The following MAP3K1 variants were observed in gnomAD, a reference collection of about 807,000 sequenced individuals.
MAP3K1 encodes the protein MAP/ERK kinase kinase 1.
MAP3K1 carries 36 observed loss-of-function variants against 144.2 expected under a neutral mutation model. The observed-to-expected ratio is 0.25, with a 90% CI of 0.19 to 0.33. MAP3K1 has a LOEUF of 0.33. Among genes scored for constraint, MAP3K1 ranks in the 10% least tolerant of loss-of-function variants. The pLI is 1.00. For missense variants in MAP3K1, 1,650 were observed against 1,881.9 expected (o/e 0.88, Z 2.28); for synonymous variants, 718 against 688.7 (o/e 1.04, Z -0.67).
chr5:56,884,560 A>G lies in MAP3K1; in HGVS notation c.3820-104A>G, dbSNP rs1748322227. The G allele has an allele frequency of 6.7e-6, 7 of 1,044,100 alleles. No individual in the cohort carries two copies. In the South Asian group the frequency reaches 9.5e-5, roughly 14 times the overall value. The allele number at this position is 1,044,100 out of a possible 1,614,324, so 64.7% of individuals were successfully genotyped here. A position where few individuals can be genotyped will look rare whatever the true frequency, so the allele number is the denominator to read the frequency against. On this transcript the variant is annotated intron_variant, in intron 15 of 19. Transcript: ENST00000399503. Reference sequence around the variant, plus strand: ...AAAGTACATTGCATCCATAAGCATAAATGCCATCTGTTGCTAATAAAGTGC... The same window carrying G: ...AAAGTACATTGCATCCATAAGCATAGATGCCATCTGTTGCTAATAAAGTGC...
At chr5:56,876,297 G>GAATGTCTCCAGGCATTGCCA (rs1407883220) in intron 10 of MAP3K1, among the ~76,000 whole-genome samples, 2 of 145,618 alleles carry the variant, frequency 1.4e-5, no homozygotes, top group Admixed American at 1.4e-4. Context: ...TGACAACCAA[G>GAATGTCTCCAGGCATTGCCA]AATGTCTCCA....
chr5:56,849,751 A>G (rs1353661611), intron 1 of MAP3K1, among the ~76,000 whole-genome samples: 3 of 113,830 alleles, frequency 2.6e-5, no homozygotes, highest in Non-Finnish European at 7.2e-5. Context: ...TGAGATAAAG[A>G]TGGTTTGGTT....
In MAP3K1 at chr5:56,849,342, C is replaced by T. The variant is rs937093445; in HGVS notation, c.483-7258C>T. On this transcript the variant is annotated intron_variant, in intron 1 of 19. Coordinates refer to ENST00000399503, the MANE Select transcript of MAP3K1 (RefSeq NM_005921.2). The stretch of plus-strand genomic sequence containing the variant: ...CCAGCCTGGGCGTCAGAGCCAAACC[C>T]TCTCTGTCTTTAAAAAAAAAAAAAA... 4.4e-5 allele frequency among the ~76,000 whole-genome samples: 6 copies of T among 137,736 alleles called. No individual in the cohort carries two copies. The East Asian group carries it at 6.3e-4, about 14-fold the overall frequency. 90.4% of individuals were successfully genotyped at this position (137,736 alleles called of 152,430 possible).
intron 10 of MAP3K1, among the ~76,000 whole-genome samples, chr5:56,876,121 A>G (rs1234806665): frequency 1.4e-5 from 2 of 139,502 alleles, no homozygotes; most frequent in Admixed American, 1.6e-4. Context: ...ATGTCTCTTT[A>G]GGGCTTCTCA....
Position 56,881,291 on chromosome 5 carries a change from ATGT to A in MAP3K1, c.2369+20_2369+22del. The A allele has an allele frequency of 6.3e-7, 1 of 1,599,606 alleles. No homozygotes were observed. Among genetic ancestry groups the A allele is most frequent in the African/African-American group, 1.3e-5 (1 of 74,710 alleles). On this transcript the variant is annotated intron_variant, in intron 13 of 19. Transcript: ENST00000399503. ...AAATCAGGTAATTTTTCTTCTGAAAATGTATTACTTGTATCTTCCTACCCTCCC... is the reference window on the plus strand; with the variant it reads ...AAATCAGGTAATTTTTCTTCTGAAAAATTACTTGTATCTTCCTACCCTCCC...
chr5:56,887,682 C>A, intron 18 of MAP3K1, 162 bp downstream of exon 18: 1 of 763,578 alleles, frequency 1.3e-6, no homozygotes, highest in Non-Finnish European at 2.2e-6. Flanking sequence ...CCCTTATTCT[C>A]GACCTTTCTT....
rs1444044453 is a variant in MAP3K1 at position 56,815,869 on chromosome 5, C to G, written c.296C>G (p.Ala99Gly). ...CCGTCGCCGGAGCCCGCGGACGCAG[C>G]GGGGAGTGGGACCGGCTTCCAGCCT... Reference protein sequence around the residue: ...TSPSPEPADAAGSGTGFQPVA... With the variant: ...TSPSPEPADAGGSGTGFQPVA... The change falls in exon 1 of 20, where the codon GCG becomes GGG. Residue 99 changes from alanine to glycine, a missense_variant. Physicochemically the swap from Ala to Gly is moderately conservative, Grantham distance 60 (BLOSUM62 0). Transcript: ENST00000399503. 7.2e-7 allele frequency: 1 copy of G among 1,390,046 alleles called. No homozygotes were observed. The highest frequency in any genetic ancestry group is 1.5e-5 in the South Asian group (1 of 64,942). 86.1% of individuals were successfully genotyped at this position (1,390,046 alleles called of 1,614,324 possible).
At chr5:56,824,950 T>A (rs898973866) in intron 1 of MAP3K1, among the ~76,000 whole-genome samples, 4 of 152,080 alleles carry the variant, frequency 2.6e-5, no homozygotes, top group South Asian at 2.1e-4. Context: ...AATTTTTATT[T>A]TTTTTTTTGA....
intron 1 of MAP3K1, among the ~76,000 whole-genome samples, chr5:56,836,943 A>T (rs1746672379): frequency 6.6e-6 from 1 of 152,068 alleles, no homozygotes; most frequent in Admixed American, 6.5e-5. Flanking sequence ...ATCACAGGGT[A>T]CTCCTCTCAG....
intron 1 of MAP3K1, among the ~76,000 whole-genome samples, chr5:56,850,736 G>T (rs570414357): frequency 1.3e-5 from 2 of 152,276 alleles, no homozygotes; most frequent in South Asian, 2.1e-4. Context: ...CGATGGAAAA[G>T]ACCTCACAGG....
At chr5:56,889,964 T>C (rs1454482079) in intron 19 of MAP3K1, among the ~76,000 whole-genome samples, 1 of 152,152 alleles carries the variant, frequency 6.6e-6, no homozygotes, top group East Asian at 1.9e-4. Flanking sequence ...AGACGTCCCA[T>C]GTCCGTTCTC....
intron 1 of MAP3K1, among the ~76,000 whole-genome samples, chr5:56,844,859 AAAG>A (rs138198429): frequency 0.099 from 15,054 of 152,176 alleles, 1,201 homozygotes; most frequent in East Asian, 0.34. Flanking sequence ...TTCAAAGCAT[AAAG>A]AAGAAAAGCT....
chr5:56,847,549 TC>T (rs2111834682), intron 1 of MAP3K1, among the ~76,000 whole-genome samples: 1 of 152,322 alleles, frequency 6.6e-6, no homozygotes, highest in African/African-American at 2.4e-5. Flanking sequence ...TGAGCTGAGA[TC>T]CTGCCACTGT....
intron 9 of MAP3K1, among the ~76,000 whole-genome samples, chr5:56,873,209 G>A (rs1747913810): frequency 6.6e-6 from 1 of 152,030 alleles, no homozygotes; most frequent in Non-Finnish European, 1.5e-5. Flanking sequence ...AAAACTTCTT[G>A]TGGTTTCACT....
chr5:56,884,776 G>A lies in MAP3K1; in HGVS notation c.3932G>A (p.Gly1311Glu), dbSNP rs1269929971. 6.2e-7 allele frequency: 1 copy of A among 1,613,808 alleles called. No homozygotes were observed. The highest frequency in any genetic ancestry group is 8.5e-7 in the Non-Finnish European group (1 of 1,179,828). Residue 1311 changes from glycine (G) to glutamate (E), a missense_variant, in exon 16 of 20, where the codon GGA becomes GAA. Physicochemically the swap from Gly to Glu is moderately conservative, Grantham distance 98. Transcript: ENST00000399503. ...LNHPNIIRML[G>E]ATCEKSNYNL... ...CATCCAAACATCATTAGGATGTTGG[G>A]AGCCACGTGTGAGAAGAGCAATTAC...
intron 1 of MAP3K1, among the ~76,000 whole-genome samples, chr5:56,841,514 T>C (rs760807359): frequency 1.2e-4 from 19 of 152,168 alleles, no homozygotes; most frequent in Non-Finnish European, 2.8e-4. Flanking sequence ...GAAAGGATTT[T>C]CACATTCAAA....
rs943105437 is a variant in MAP3K1 at position 56,816,119 on chromosome 5, C to T, written c.482+64C>T. 2.2e-5 allele frequency: 26 copies of T among 1,181,408 alleles called. No individual in the cohort carries two copies. The South Asian group carries it at 4.8e-4, about 22-fold the overall frequency. 73.2% of individuals were successfully genotyped at this position (1,181,408 alleles called of 1,614,324 possible). On this transcript the variant is annotated intron_variant, in intron 1 of 19. Coordinates refer to ENST00000399503, the MANE Select transcript of MAP3K1 (RefSeq NM_005921.2). ...AGCGGGCAGAGGGCAATGAATGAAC[C>T]CCGGGCACCATGCACGGCGTCCCGG... is the stretch of plus-strand genomic sequence containing the variant.
chr5:56,895,976 C>CAAAA lies in MAP3K1; in HGVS notation c.*2311_*2314dup, dbSNP rs34130917. On this transcript the variant is annotated 3_prime_UTR_variant, in exon 20 of 20. Coordinates refer to ENST00000399503, the MANE Select transcript of MAP3K1 (RefSeq NM_005921.2). ...CACCTTACTGTGTAAGCAAATGTTACAAAAAAAAAAAAAAAAAATCTCTGG... is the reference window on the plus strand; with the variant it reads ...CACCTTACTGTGTAAGCAAATGTTACAAAAAAAAAAAAAAAAAAAAAATCTCTGG... The CAAAA allele has an allele frequency of 3.2e-4, 58 of 182,136 alleles. No individual in the cohort carries two copies. Among genetic ancestry groups the CAAAA allele is most frequent in the Middle Eastern group, 1.7e-3 (1 of 586 alleles). 11.3% of individuals were successfully genotyped at this position (182,136 alleles called of 1,614,324 possible). A position where few individuals can be genotyped will look rare whatever the true frequency, so the allele number is the denominator to read the frequency against.
chr5:56,861,841 A>T (rs112490552), intron 3 of MAP3K1, among the ~76,000 whole-genome samples: 7 of 152,300 alleles, frequency 4.6e-5, no homozygotes, highest in African/African-American at 1.7e-4. Context: ...ACTTTGAAGA[A>T]CAAATGATTG....
Sources: allele counts gnomAD v4.1 joint callset (sites outside exome capture counted in the v4.1 genomes callset), GRCh38; gene constraint gnomAD v4.1.1; transcripts MANE v1.5; gene names NCBI Gene and HGNC (gene_info 2026-07-23, HGNC 2026-07-21).